The following RFX3 variants were observed in gnomAD, a reference collection of about 807,000 sequenced individuals.
The protein encoded by RFX3 is transcription factor RFX3.
RFX3 carries 14 observed loss-of-function variants against 98.6 expected under a neutral mutation model. The ratio of observed to expected loss-of-function variants is 0.14; its 90% confidence interval spans 0.09 to 0.22. The LOEUF (loss-of-function observed/expected upper bound fraction) is 0.22. RFX3 is among the 10% of genes least tolerant of loss of function. The pLI is 1.00. For missense variants in RFX3, 639 were observed against 926.9 expected, an observed-to-expected ratio of 0.69 and a Z score of 4.03; for synonymous variants, 383 against 328.4, an observed-to-expected ratio of 1.17 and a Z score of -1.80.
rs1817528577 is a variant in RFX3 at position 3,224,181 on chromosome 9, G to C, written c.*861C>G. On this transcript the variant is annotated 3_prime_UTR_variant, in exon 17 of 17. Coordinates refer to ENST00000617270, the MANE Select transcript of RFX3 (RefSeq NM_001282116.2). ...TAGCATGTACACTTAAAAAAAAAAA[G>C]TCAAGTCTTTTTTTTCTGCTTCAGT... 6.6e-6 allele frequency: 1 copy of C among 151,568 alleles called. No homozygotes were observed. The highest frequency in any genetic ancestry group is 6.6e-5 in the Admixed American group (1 of 15,204). 9.4% of individuals were successfully genotyped at this position (151,568 alleles called of 1,614,324 possible).
At chr9:3,340,690 A>C (rs1459363335) in intron 3 of RFX3, among the ~76,000 whole-genome samples, 2 of 152,244 alleles carry the variant, frequency 1.3e-5, no homozygotes, top group Non-Finnish European at 2.9e-5. Context: ...AATGCAAATC[A>C]AAACCACAAT....
chr9:3,503,356 T>A (rs1490595149), intron 1 of RFX3, among the ~76,000 whole-genome samples: 3 of 152,126 alleles, frequency 2.0e-5, no homozygotes, highest in African/African-American at 7.2e-5. Context: ...TCCATAAAAA[T>A]GTCTATTTCC....
chr9:3,256,732 C>T (rs894661664), intron 14 of RFX3, among the ~76,000 whole-genome samples: 10 of 152,136 alleles, frequency 6.6e-5, no homozygotes, highest in South Asian at 2.1e-4. Context: ...GAATCTCAGA[C>T]GTTCCCATCT....
At chr9:3,343,221 A>G (rs1834087711) in intron 3 of RFX3, among the ~76,000 whole-genome samples, 1 of 152,212 alleles carries the variant, frequency 6.6e-6, no homozygotes, top group Non-Finnish European at 1.5e-5. Flanking sequence ...GCTGGTGACA[A>G]GAGCATTAGC....
At chr9:3,371,150 T>C (rs1837796263) in intron 2 of RFX3, among the ~76,000 whole-genome samples, 1 of 152,172 alleles carries the variant, frequency 6.6e-6, no homozygotes, top group Admixed American at 6.5e-5. Context: ...CAAGGGTAAG[T>C]TCTCTAAACA....
chr9:3,376,952 T>G (rs557383888), intron 2 of RFX3, among the ~76,000 whole-genome samples: 1 of 152,178 alleles, frequency 6.6e-6, no homozygotes, highest in South Asian at 2.1e-4. Context: ...CAACAGGTGC[T>G]GGAGAGGATG....
At chr9:3,333,148 G>A (rs1203226108) in intron 3 of RFX3, among the ~76,000 whole-genome samples, 1 of 152,172 alleles carries the variant, frequency 6.6e-6, no homozygotes. Flanking sequence ...TAAAAGTATG[G>A]TAGACGTAAT....
intron 1 of RFX3, among the ~76,000 whole-genome samples, chr9:3,504,480 T>C (rs1816517686): frequency 1.6e-5 from 2 of 128,902 alleles, no homozygotes; most frequent in Admixed American, 1.8e-4. Flanking sequence ...ATATTGTATA[T>C]AAAATATATA....
chr9:3,394,851 C>A (rs1463677157), intron 2 of RFX3: 4 of 985,164 alleles, frequency 4.1e-6, no homozygotes, highest in Middle Eastern at 5.2e-4. Flanking sequence ...ATTACTTTGT[C>A]AGTATCTTTC....
At chr9:3,249,281 A>G (rs1821080136) in intron 14 of RFX3, among the ~76,000 whole-genome samples, 1 of 152,148 alleles carries the variant, frequency 6.6e-6, no homozygotes, top group South Asian at 2.1e-4. Context: ...AATACATCAA[A>G]TTGTATGCAT....
Position 3,317,729 on chromosome 9 carries a change from T to G in RFX3, c.474+12530A>C, listed in dbSNP as rs553945118. Among the ~76,000 whole-genome samples the G allele has an allele frequency of 2.2e-4, 33 of 152,306 alleles. No individual in the cohort carries two copies. The East Asian group carries it at 6.2e-3, about 28-fold the overall frequency. On this transcript the variant is annotated intron_variant, in intron 4 of 16. Coordinates refer to ENST00000617270, the MANE Select transcript of RFX3 (RefSeq NM_001282116.2). ...GGCAAAGGATATGAACAGACACTTC[T>G]CAAAAGAAGACATTTATGCAGCCAA...
rs1298503304 is a variant in RFX3 at position 3,225,163 on chromosome 9, G to A, written c.2129C>T (p.Pro710Leu). ...SQAFPVGCMQPVLETGVQPSL... is the reference protein window; with the variant it reads ...SQAFPVGCMQLVLETGVQPSL... ...TGGTTGCACGCCAGTCTCGAGAACA[G>A]GCTGCATGCAGCCCACTGGAAATGC... The change falls in exon 17 of 17, where the codon CCT (proline) becomes CTT (leucine). Residue 710 changes from proline (P) to leucine (L), a missense_variant. By Grantham distance (98) the Pro-to-Leu change is moderately conservative. Coordinates refer to ENST00000617270, the MANE Select transcript of RFX3 (RefSeq NM_001282116.2). 6.2e-7 allele frequency: 1 copy of A among 1,613,828 alleles called. No homozygotes were observed. Among genetic ancestry groups the A allele is most frequent in the African/African-American group, 1.3e-5 (1 of 74,908 alleles).
intron 2 of RFX3, among the ~76,000 whole-genome samples, chr9:3,355,977 A>G (rs1479933677): frequency 6.6e-6 from 1 of 151,846 alleles, no homozygotes; most frequent in Non-Finnish European, 1.5e-5. Context: ...AAATTAGACA[A>G]TGTATTGAAT....
chr9:3,440,364 T>C (rs1467625058), intron 1 of RFX3, among the ~76,000 whole-genome samples: 1 of 151,978 alleles, frequency 6.6e-6, no homozygotes, highest in Non-Finnish European at 1.5e-5. Context: ...ATCTATAAAA[T>C]CACTACAAGA....
At chr9:3,435,270 T>C (rs1216885114) in intron 1 of RFX3, among the ~76,000 whole-genome samples, 1 of 152,096 alleles carries the variant, frequency 6.6e-6, no homozygotes, top group Non-Finnish European at 1.5e-5. Context: ...CTTTATAAAC[T>C]TTTTAATTTT....
In RFX3 at chr9:3,253,899, T is replaced by C. The variant is rs575722255; in HGVS notation, c.1814+3092A>G. On this transcript the variant is annotated intron_variant, in intron 14 of 16. Coordinates refer to ENST00000617270, the MANE Select transcript of RFX3 (RefSeq NM_001282116.2). ...TGTGAATGTAATTTTCATTACTCAATATGTTCTTATGTCTCAGTAAAAAAC... is the reference window on the plus strand; with the variant it reads ...TGTGAATGTAATTTTCATTACTCAACATGTTCTTATGTCTCAGTAAAAAAC... 3.5e-4 allele frequency among the ~76,000 whole-genome samples: 53 copies of C among 152,280 alleles called. No homozygotes were observed. The South Asian group carries it at 3.7e-3, about 11-fold the overall frequency.
At chr9:3,331,949 C>T (rs139156462) in intron 3 of RFX3, among the ~76,000 whole-genome samples, 136 of 152,226 alleles carry the variant, frequency 8.9e-4, no homozygotes, top group African/African-American at 1.9e-3. Flanking sequence ...TAAAATTTAA[C>T]GTATGATGAG....
At position 3,266,289 on chromosome 9, in the gene RFX3, G is replaced by T. The variant is rs1490026304; in HGVS notation, c.1374C>A (p.Ala458=). Reference sequence around the variant, plus strand: ...CAAGGCTTTTTGCAAAATTTCGAATGGCTTGGGTCAAGGCACCTAAACATT... The same window carrying T: ...CAAGGCTTTTTGCAAAATTTCGAATTGCTTGGGTCAAGGCACCTAAACATT... ...LRPIPSALTQ[A]IRNFAKSLEG... is the part of the protein sequence containing the mutation. The change falls in exon 12 of 17, where the codon GCC becomes GCA. Residue 458 remains alanine, a synonymous_variant. Transcript: ENST00000617270. 2 of 1,609,926 alleles carry T rather than the reference G, an allele frequency of 1.2e-6. No individual in the cohort carries two copies. Among genetic ancestry groups the T allele is most frequent in the Non-Finnish European group, 1.7e-6 (2 of 1,177,216 alleles).
intron 4 of RFX3, among the ~76,000 whole-genome samples, chr9:3,302,134 TA>T (rs1482281621): frequency 6.6e-6 from 1 of 151,882 alleles, no homozygotes; most frequent in Non-Finnish European, 1.5e-5. Context: ...ATCCCTCCAT[TA>T]ATCCTGTATT....
Sources: allele counts gnomAD v4.1 joint callset (sites outside exome capture counted in the v4.1 genomes callset), GRCh38; gene constraint gnomAD v4.1.1; transcripts MANE v1.5; gene names NCBI Gene and HGNC (gene_info 2026-07-23, HGNC 2026-07-21).